Variants in LRRD1 observed in about 807,000 individuals in gnomAD.
The protein encoded by LRRD1 is leucine-rich repeat and death domain-containing protein 1.
A neutral mutation model predicts 69.5 loss-of-function variants in LRRD1; 49 were observed. The ratio of observed to expected loss-of-function variants is 0.70; its 90% CI spans 0.56 to 0.89. The LOEUF (loss-of-function observed/expected upper bound fraction) is 0.89, where lower values mean the gene tolerates loss of function less well. Among genes scored for constraint, LRRD1 ranks in the 40% least tolerant of loss-of-function variants. The pLI, the probability that LRRD1 is intolerant of heterozygous loss-of-function variation, is 0.00. For synonymous variants in LRRD1, 303 were observed against 338.9 expected (o/e 0.89, Z 1.16); for missense variants, 853 against 956.0 (o/e 0.89, Z 1.42).
chr7:92,163,259 A>G, intron 2 of LRRD1, 27 bp downstream of exon 2: 4 of 1,355,094 alleles, frequency 3.0e-6, no homozygotes, highest in Non-Finnish European at 3.9e-6. Flanking sequence ...CTCCTTCCCC[A>G]CAAAGCCCAC....
intron 5 of LRRD1, 92 bp downstream of exon 5, chr7:92,145,991 G>T: frequency 3.0e-6 from 2 of 659,356 alleles, no homozygotes; most frequent in South Asian, 5.7e-5. Flanking sequence ...TAGAGATTGT[G>T]TTAATACGAA....
At position 92,165,093 on chromosome 7, in the gene LRRD1, G is replaced by C; in HGVS notation, c.110C>G (p.Ser37Ter). Residue 37 changes from serine to a stop codon, truncating the protein, a stop_gained, in exon 2 of 6, where the codon TCA becomes TGA. Transcript: ENST00000458448. LOFTEE classifies it high-confidence loss of function. ...ATCAGAAGCTTCGTTTATCAAATTT[G>C]ATGTTTCTTTAATAAAGCCAGGCTC... Reference protein sequence around the residue: ...MKEPGFIKETSNLINEASDYL... With the variant: ...MKEPGFIKET 6.4e-7 allele frequency: 1 copy of C among 1,551,422 alleles called. No homozygotes were observed. Among genetic ancestry groups the C allele is most frequent in the Non-Finnish European group, 8.7e-7 (1 of 1,146,892 alleles).
chr7:92,154,560 ACTTTTTTTTTTTTG>A (rs1209310609), intron 3 of LRRD1, among the ~76,000 whole-genome samples: 3 of 144,322 alleles, frequency 2.1e-5, no homozygotes, highest in Non-Finnish European at 3.0e-5. Flanking sequence ...ATATTTTTTC[ACTTTTTTTTTTTTG>A]CAAAACAATA....
intron 3 of LRRD1, among the ~76,000 whole-genome samples, chr7:92,154,771 G>GAGGAA (rs1788617349): frequency 6.6e-6 from 1 of 152,048 alleles, no homozygotes; most frequent in Admixed American, 6.6e-5. Flanking sequence ...AATATTTGTT[G>GAGGAA]AAAATAATGT....
intron 3 of LRRD1, among the ~76,000 whole-genome samples, chr7:92,153,812 ACT>A (rs1170796037): frequency 3.3e-5 from 5 of 151,398 alleles, no homozygotes; most frequent in Non-Finnish European, 7.4e-5. Flanking sequence ...ACACAGCAAG[ACT>A]CTGCTGTAAA....
chr7:92,173,008 T>C (rs1789089764), intron 1 of LRRD1, among the ~76,000 whole-genome samples: 1 of 152,064 alleles, frequency 6.6e-6, no homozygotes, highest in Admixed American at 6.5e-5. Context: ...CATAGACCAA[T>C]GGAATAGAAT....
intron 1 of LRRD1, among the ~76,000 whole-genome samples, chr7:92,167,833 C>T (rs944029411): frequency 1.7e-5 from 2 of 119,276 alleles, no homozygotes; most frequent in South Asian, 2.9e-4. Context: ...ACCGAGATGG[C>T]GCCATTGCAC....
Position 92,146,123 on chromosome 7 carries a change from G to C in LRRD1, c.2356C>G (p.Leu786Val), listed in dbSNP as rs989137939. The change falls in exon 5 of 6, where the codon CTA (leucine) becomes GTA (valine). Residue 786 changes from leucine (L) to valine (V), a missense_variant. Leu to Val is a conservative substitution (Grantham distance 32, BLOSUM62 1). Transcript: ENST00000458448. ...ETNFEFLCQK[L>V]NLANSETDMP... ...TCAGTTTCTGAGTTTGCCAGGTTTAGTTTTTGACATAAAAATTCAAAATTG... is the reference window on the plus strand; with the variant it reads ...TCAGTTTCTGAGTTTGCCAGGTTTACTTTTTGACATAAAAATTCAAAATTG... 1 of 1,542,470 alleles carries C rather than the reference G, an allele frequency of 6.5e-7. No individual in the cohort carries two copies. Among genetic ancestry groups the C allele is most frequent in the Non-Finnish European group, 8.7e-7 (1 of 1,143,748 alleles).
chr7:92,146,339 C>G (rs1381514864), intron 4 of LRRD1, 139 bp from the exon 5 acceptor site: 2 of 534,392 alleles, frequency 3.7e-6, no homozygotes. Flanking sequence ...CAATGCTGGC[C>G]GGGCACAGTG....
rs1329540762 is a variant in LRRD1 at position 92,163,654 on chromosome 7, A to G, written c.1549T>C (p.Leu517=). 3.9e-5 allele frequency: 58 copies of G among 1,505,188 alleles called. No homozygotes were observed. The highest frequency in any genetic ancestry group is 3.3e-5 in the Non-Finnish European group (37 of 1,129,708). The allele number at this position is 1,505,188 out of a possible 1,614,324, so 93.2% of individuals were successfully genotyped here. A position where few individuals can be genotyped will look rare whatever the true frequency, so the allele number is the denominator to read the frequency against. The part of the protein sequence containing the change: ...SFSKQLLHLE[L]SENKLLIFSE... ...AATATGAGGAGTTTGTTTTCACTCA[A>G]TTCTAAATGAAGCAGTTGTTTACTG... is the stretch of plus-strand genomic sequence containing the variant. Residue 517 remains leucine (L), a synonymous_variant, in exon 2 of 6, where the codon TTG becomes CTG. Coordinates refer to ENST00000458448, the MANE Select transcript of LRRD1 (RefSeq NM_001161528.2).
chr7:92,177,019 T>C (rs1297725225), intron 1 of LRRD1, among the ~76,000 whole-genome samples: 2 of 148,754 alleles, frequency 1.3e-5, no homozygotes, highest in Non-Finnish European at 3.0e-5. Context: ...AGAAATTTAT[T>C]ACTTATACAA....
In LRRD1 at chr7:92,144,915, A is replaced by G. The variant is rs1279720257; in HGVS notation, c.2556T>C (p.Asn852=). The part of the protein sequence containing the change: ...YEIMDKITAL[N]LFTRAIKF ...AGAATTTAATTGCACGCGTAAAAAGATTTAAAGCTGTTATTTTGTCCATAA... is the reference window on the plus strand; with the variant it reads ...AGAATTTAATTGCACGCGTAAAAAGGTTTAAAGCTGTTATTTTGTCCATAA... The change falls in exon 6 of 6, where the codon AAT becomes AAC. Residue 852 remains asparagine (N), a synonymous_variant. Coordinates refer to ENST00000458448, the MANE Select transcript of LRRD1 (RefSeq NM_001161528.2). 5.9e-6 allele frequency: 9 copies of G among 1,515,186 alleles called. No individual in the cohort carries two copies. The highest frequency in any genetic ancestry group is 1.4e-5 in the African/African-American group (1 of 72,390). The allele number at this position is 1,515,186 out of a possible 1,614,324, so 93.9% of individuals were successfully genotyped here.
chr7:92,165,369 T>G, intron 1 of LRRD1, 93 bp from the exon 2 acceptor site: 1 of 374,506 alleles, frequency 2.7e-6, no homozygotes, highest in Non-Finnish European at 4.7e-6. Context: ...AGAAATAATT[T>G]AATACAAATA....
At chr7:92,167,876 C>CAAAAAAAAAAAAAAAAAAAAAAAAAAAAA (rs542619786) in intron 1 of LRRD1, among the ~76,000 whole-genome samples, 1 of 46,186 alleles carries the variant, frequency 2.2e-5, no homozygotes, top group African/African-American at 9.5e-5. Context: ...GACTCTGTCT[C>CAAAAAAAAAAAAAAAAAAAAAAAAAAAAA]AAAAAAAAAA....
intron 3 of LRRD1, among the ~76,000 whole-genome samples, chr7:92,155,337 T>C (rs1340946140): frequency 6.6e-6 from 1 of 152,200 alleles, no homozygotes; most frequent in African/African-American, 2.4e-5. Context: ...ACAACCCAGG[T>C]AGGACAGTGC....
intron 5 of LRRD1, 136 bp downstream of exon 5, chr7:92,145,947 T>C (rs1373041101): frequency 4.0e-6 from 2 of 501,250 alleles, no homozygotes; most frequent in African/African-American, 2.0e-5. Flanking sequence ...ATCACAAACA[T>C]GTAATAAACT....
intron 3 of LRRD1, among the ~76,000 whole-genome samples, chr7:92,150,934 CAGCAAAGAACTTTAT>C (rs746350495): frequency 9.2e-5 from 14 of 152,188 alleles, no homozygotes; most frequent in Non-Finnish European, 1.8e-4. Flanking sequence ...TCTTTTAATA[CAGCAAAGAACTTTAT>C]AGAGTGGATG....
chr7:92,150,031 A>G (rs757818222), intron 4 of LRRD1: 1 of 373,868 alleles, frequency 2.7e-6, no homozygotes, highest in East Asian at 7.6e-5. Context: ...CAGTGCCTCA[A>G]TTTGTGTGGA....
Position 92,165,186 on chromosome 7 carries a change from C to A in LRRD1, c.17G>T (p.Gly6Val). MSEKE[G>V]MSEVLEDTIS... The stretch of plus-strand genomic sequence containing the variant: ...AGTATCCTCTAGCACTTCTGACATA[C>A]CCTCCTTTTCAGACATCTTATTTGC... The change falls in exon 2 of 6, where the codon GGT (glycine) becomes GTT (valine). Residue 6 changes from glycine (G) to valine (V), a missense_variant. Around this residue, in one of 3 missense-constraint regions of LRRD1, gnomAD observed 99 missense variants for 107.0 expected, o/e 0.92. Coordinates refer to ENST00000458448, the MANE Select transcript of LRRD1 (RefSeq NM_001161528.2). 6.8e-7 allele frequency: 1 copy of A among 1,473,512 alleles called. No individual in the cohort carries two copies. Among genetic ancestry groups the A allele is most frequent in the Non-Finnish European group, 9.0e-7 (1 of 1,106,196 alleles). The allele number at this position is 1,473,512 out of a possible 1,614,324, so 91.3% of individuals were successfully genotyped here. A position where few individuals can be genotyped will look rare whatever the true frequency, so the allele number is the denominator to read the frequency against.
Sources: allele counts gnomAD v4.1 joint callset (sites outside exome capture counted in the v4.1 genomes callset), GRCh38; gene constraint gnomAD v4.1.1; regional missense constraint gnomAD v4.1.1; transcripts MANE v1.5; gene names NCBI Gene and HGNC (gene_info 2026-07-23, HGNC 2026-07-21).